The following KCNK2 variants were observed in gnomAD, a reference collection of about 807,000 sequenced individuals.
The protein encoded by KCNK2 is potassium channel subfamily K member 2.
Under a neutral mutation model 40.5 loss-of-function variants are expected in KCNK2, and 21 were observed. The ratio of observed to expected loss-of-function variants is 0.52; its 90% CI spans 0.37 to 0.75. The LOEUF is 0.75. Among genes scored for constraint, KCNK2 ranks in the 30% least tolerant of loss-of-function variants. The probability of loss-of-function intolerance (pLI) is 0.00; values close to 1 mark genes in which losing one functional copy is unlikely to be tolerated. For missense variants in KCNK2, 399 were observed against 531.6 expected (o/e 0.75, Z 2.45); for synonymous variants, 191 against 202.2 (o/e 0.94, Z 0.47).
intron 2 of KCNK2, among the ~76,000 whole-genome samples, chr1:215,094,070 G>A (rs1659873708): frequency 6.8e-6 from 1 of 147,910 alleles, no homozygotes; most frequent in Non-Finnish European, 1.5e-5. Flanking sequence ...ATGATTTGGT[G>A]GCTGTCATTC....
chr1:215,107,023 C>A (rs1013869695), intron 2 of KCNK2, among the ~76,000 whole-genome samples: 2 of 104,840 alleles, frequency 1.9e-5, no homozygotes, highest in African/African-American at 3.7e-5. Flanking sequence ...TAATGTAATG[C>A]CTCTAGATTT....
intron 3 of KCNK2, among the ~76,000 whole-genome samples, chr1:215,125,131 T>C (rs1029119338): frequency 6.6e-6 from 1 of 152,220 alleles, no homozygotes; most frequent in African/African-American, 2.4e-5. Context: ...TCTTACGTGA[T>C]ATCACCTTTT....
intron 2 of KCNK2, among the ~76,000 whole-genome samples, chr1:215,106,823 A>G (rs1215839506): frequency 2.0e-5 from 3 of 152,068 alleles, no homozygotes; most frequent in Non-Finnish European, 4.4e-5. Context: ...CTATCTTAGC[A>G]CCATTTATTT....
At chr1:215,172,518 G>A (rs1019896645) in intron 5 of KCNK2, among the ~76,000 whole-genome samples, 1 of 151,952 alleles carries the variant, frequency 6.6e-6, no homozygotes, top group Non-Finnish European at 1.5e-5. Context: ...TTTTCTTCTT[G>A]TGCCTCTCTG....
At chr1:215,080,444 T>C (rs1316877592), upstream of KCNK2, among the ~76,000 whole-genome samples, 9 of 152,222 alleles carry the variant, frequency 5.9e-5, no homozygotes, top group African/African-American at 2.2e-4. Context: ...CAGAATATAG[T>C]GAATTCATCT....
intron 3 of KCNK2, among the ~76,000 whole-genome samples, chr1:215,156,488 G>A (rs1251276713): frequency 6.6e-6 from 1 of 152,154 alleles, no homozygotes; most frequent in East Asian, 1.9e-4. Flanking sequence ...CCCTACATTT[G>A]ACTCTGTAAT....
chr1:215,051,520 C>A (rs186271659), intron 1 of KCNK2, among the ~76,000 whole-genome samples: 33 of 152,276 alleles, frequency 2.2e-4, no homozygotes, highest in African/African-American at 7.7e-4. Context: ...CAGCTCCAAG[C>A]TGACAGTAGC....
At chr1:215,195,585 A>T (rs1286736288) in intron 6 of KCNK2, among the ~76,000 whole-genome samples, 1 of 152,162 alleles carries the variant, frequency 6.6e-6, no homozygotes. Flanking sequence ...AGCTGTATGC[A>T]TTATGGCCGT....
chr1:215,083,301 A>T lies in KCNK2; in HGVS notation c.-85A>T, dbSNP rs371586961. ...CTCGGAGCGCGCAGCCCGTCTCTGA[A>T]TAAGAAGTGAGTACAATGGCGTGTT... On this transcript the variant is annotated 5_prime_UTR_variant, in exon 1 of 7. Coordinates refer to ENST00000444842, the MANE Select transcript of KCNK2 (RefSeq NM_001017425.3). 2 of 1,612,186 alleles carry T rather than the reference A, an allele frequency of 1.2e-6. No individual in the cohort carries two copies. The highest frequency in any genetic ancestry group is 1.7e-6 in the Non-Finnish European group (2 of 1,179,044).
At chr1:215,199,674 A>G (rs1253473055) in intron 6 of KCNK2, among the ~76,000 whole-genome samples, 3 of 152,230 alleles carry the variant, frequency 2.0e-5, no homozygotes, top group African/African-American at 2.4e-5. Flanking sequence ...CTATGAAACT[A>G]TGTACTCTCT....
At chr1:215,189,066 A>C (rs1188230265) in intron 5 of KCNK2, among the ~76,000 whole-genome samples, 1 of 152,202 alleles carries the variant, frequency 6.6e-6, no homozygotes, top group Non-Finnish European at 1.5e-5. Context: ...TTTATAATAC[A>C]GGAAAATTCT....
intron 1 of KCNK2, among the ~76,000 whole-genome samples, chr1:215,048,984 G>C (rs1657883780): frequency 1.3e-5 from 2 of 152,150 alleles, no homozygotes; most frequent in Non-Finnish European, 2.9e-5. Context: ...AGGTGTTTGT[G>C]AGCATGTAAG....
At chr1:215,007,073 ATATATATATGTGTGTATATATATATG>A (rs1558054001) in intron 1 of KCNK2, among the ~76,000 whole-genome samples, 3 of 121,586 alleles carry the variant, frequency 2.5e-5, no homozygotes, top group Admixed American at 8.2e-5. Context: ...GTGTGTGTGT[ATATATATATGTGTGTATATATATATG>A]TATATATATG....
At chr1:215,197,000 AT>A (rs1448864484) in intron 6 of KCNK2, among the ~76,000 whole-genome samples, 2 of 152,192 alleles carry the variant, frequency 1.3e-5, no homozygotes, top group Non-Finnish European at 2.9e-5. Context: ...AAATACACAG[AT>A]ATAATATTAT....
At position 215,090,905 on chromosome 1, in the gene KCNK2, C is replaced by T. The variant is rs1018488289; in HGVS notation, c.357+4227C>T. On this transcript the variant is annotated intron_variant, in intron 2 of 6. Coordinates refer to ENST00000444842, the MANE Select transcript of KCNK2 (RefSeq NM_001017425.3). ...CTCTTTATACTAGGCATCTCATTTTCGTTCATCCAGTGGCATTTACTGAGG... is the reference window on the plus strand; with the variant it reads ...CTCTTTATACTAGGCATCTCATTTTTGTTCATCCAGTGGCATTTACTGAGG... Among the ~76,000 whole-genome samples the T allele has an allele frequency of 2.6e-5, 4 of 152,062 alleles. No individual in the cohort carries two copies. The East Asian group carries it at 5.8e-4, about 22-fold the overall frequency.
intron 1 of KCNK2, among the ~76,000 whole-genome samples, chr1:215,031,161 T>C (rs1319930008): frequency 6.6e-6 from 1 of 152,178 alleles, no homozygotes; most frequent in Non-Finnish European, 1.5e-5. Flanking sequence ...AGTCTTGAAG[T>C]CAGGGATTAT....
Position 215,230,532 on chromosome 1 carries a change from TGTATATATATAC to T in KCNK2, c.964-4295_964-4284del, listed in dbSNP as rs1180601206. ...GTATATATATATATATATATATATATGTATATATATACACACACATAACAGCCATATATATAT... is the reference window on the plus strand; with the variant it reads ...GTATATATATATATATATATATATATACACACATAACAGCCATATATATAT... On this transcript the variant is annotated intron_variant, in intron 6 of 6. Coordinates refer to ENST00000444842, the MANE Select transcript of KCNK2 (RefSeq NM_001017425.3). 1.8e-3 allele frequency among the ~76,000 whole-genome samples: 65 copies of T among 37,134 alleles called. 3 individuals are homozygous for T. The highest frequency in any genetic ancestry group is 4.8e-3 in the African/African-American group (64 of 13,432). The allele number at this position is 37,134 out of a possible 152,430, so 24.4% of individuals were successfully genotyped here.
upstream of KCNK2, among the ~76,000 whole-genome samples, chr1:215,080,530 G>A (rs1659112836): frequency 1.3e-5 from 2 of 152,154 alleles, no homozygotes; most frequent in Admixed American, 1.3e-4. Context: ...GAAAATGTCA[G>A]CTATTTAGTA....
At chr1:215,132,589 AT>A (rs1484675845) in intron 3 of KCNK2, among the ~76,000 whole-genome samples, 1 of 152,214 alleles carries the variant, frequency 6.6e-6, no homozygotes, top group Non-Finnish European at 1.5e-5. Context: ...TACTTTCAGT[AT>A]TGTGTATTTG....
Sources: allele counts gnomAD v4.1 joint callset (sites outside exome capture counted in the v4.1 genomes callset), GRCh38; gene constraint gnomAD v4.1.1; transcripts MANE v1.5; gene names NCBI Gene and HGNC (gene_info 2026-07-23, HGNC 2026-07-21).